The following ACER2 variants were observed in gnomAD, a reference collection of about 807,000 sequenced individuals.
ACER2 encodes the protein alkCDase 2.
In ACER2, 26 loss-of-function variants were observed where a neutral mutation model predicts 34.7. The ratio of observed to expected loss-of-function variants is 0.75; its 90% CI spans 0.55 to 1.04. The LOEUF (loss-of-function observed/expected upper bound fraction) is 1.04. Among genes scored for constraint, ACER2 ranks in the 50% least tolerant of loss-of-function variants. ACER2 has a pLI of 0.00. For synonymous variants in ACER2, 138 were observed against 132.1 expected (o/e 1.04, Z -0.31); for missense variants, 352 against 340.8 (o/e 1.03, Z -0.26).
chr9:19,451,191 G>A lies in ACER2; in HGVS notation c.*555G>A, dbSNP rs1385407110. 2 of 152,258 alleles carry A rather than the reference G, an allele frequency of 1.3e-5. No homozygotes were observed. Among genetic ancestry groups the A allele is most frequent in the African/African-American group, 4.8e-5 (2 of 41,430 alleles). 9.4% of individuals were successfully genotyped at this position (152,258 alleles called of 1,614,324 possible). ...AGCCCTGTACAATGCATCTCTTCCT[G>A]GAGAAAGCTGGCCTGCTCCAGACCC... On this transcript the variant is annotated 3_prime_UTR_variant, in exon 6 of 6. Coordinates refer to ENST00000340967, the MANE Select transcript of ACER2 (RefSeq NM_001010887.3).
At chr9:19,412,903 TTCTC>T (rs1056613245) in intron 1 of ACER2, among the ~76,000 whole-genome samples, 67 of 152,312 alleles carry the variant, frequency 4.4e-4, no homozygotes, top group Non-Finnish European at 1.3e-4. Flanking sequence ...TTCATATAGT[TTCTC>T]TCTGTTTTAT....
chr9:19,429,544 C>T (rs1342641155), intron 3 of ACER2, among the ~76,000 whole-genome samples: 1 of 152,126 alleles, frequency 6.6e-6, no homozygotes, highest in African/African-American at 2.4e-5. Flanking sequence ...GTTGCCCAGG[C>T]TGGTCTCAAA....
intron 4 of ACER2, among the ~76,000 whole-genome samples, chr9:19,442,773 G>A (rs1831198392): frequency 6.6e-6 from 1 of 151,946 alleles, no homozygotes; most frequent in Non-Finnish European, 1.5e-5. Flanking sequence ...TTAAATTCAA[G>A]GCAAGAGGCC....
chr9:19,444,631 C>G (rs1351474643), intron 4 of ACER2, among the ~76,000 whole-genome samples: 2 of 152,166 alleles, frequency 1.3e-5, no homozygotes, highest in African/African-American at 4.8e-5. Context: ...GAGGGGAGAC[C>G]TATAGTATCT....
At chr9:19,436,083 C>CT (rs78161264) in intron 4 of ACER2, among the ~76,000 whole-genome samples, 1,709 of 143,570 alleles carry the variant, frequency 0.012, 5 homozygotes, top group South Asian at 0.015. Flanking sequence ...GAAAGCCCTT[C>CT]TTTTTTTTTT....
At chr9:19,418,008 A>G (rs1830286759) in intron 1 of ACER2, among the ~76,000 whole-genome samples, 1 of 152,262 alleles carries the variant, frequency 6.6e-6, no homozygotes, top group Admixed American at 6.5e-5. Flanking sequence ...TTACAAGAAA[A>G]AAAACAACCC....
In ACER2 at chr9:19,452,021, GC is replaced by G. The variant is rs1224246648; in HGVS notation, c.*1387del. 1 of 152,614 alleles carries G rather than the reference GC, an allele frequency of 6.6e-6. No individual in the cohort carries two copies. Among genetic ancestry groups the G allele is most frequent in the African/African-American group, 2.4e-5 (1 of 41,446 alleles). 9.5% of individuals were successfully genotyped at this position (152,614 alleles called of 1,614,324 possible). ...GCTGGTGCAGCAGCGCAAATCTGTT[GC>G]CTTCTGAATTTTTCTCACCTAATGT... On this transcript the variant is annotated 3_prime_UTR_variant, in exon 6 of 6. Transcript: ENST00000340967.
intron 1 of ACER2, among the ~76,000 whole-genome samples, chr9:19,423,035 A>G (rs1473662877): frequency 6.8e-6 from 1 of 146,086 alleles, no homozygotes; most frequent in Non-Finnish European, 1.5e-5. Flanking sequence ...TCTGTCTCAA[A>G]AAAAAAAAAA....
At chr9:19,444,460 C>T (rs1030233066) in intron 4 of ACER2, among the ~76,000 whole-genome samples, 3 of 152,194 alleles carry the variant, frequency 2.0e-5, no homozygotes, top group Admixed American at 2.0e-4. Flanking sequence ...GTCCGCCCGC[C>T]TCGGCCTCCC....
At chr9:19,448,419 T>A (rs1831446576) in intron 5 of ACER2, among the ~76,000 whole-genome samples, 1 of 152,250 alleles carries the variant, frequency 6.6e-6, no homozygotes, top group Non-Finnish European at 1.5e-5. Flanking sequence ...TTTTTGTGTC[T>A]AATAAATGCT....
At chr9:19,414,229 A>G (rs1563871351) in intron 1 of ACER2, among the ~76,000 whole-genome samples, 1 of 152,232 alleles carries the variant, frequency 6.6e-6, no homozygotes, top group African/African-American at 2.4e-5. Flanking sequence ...AAGTAAAACA[A>G]TGGAATGGGT....
rs376233861 is a variant in ACER2 at position 19,420,316 on chromosome 9, G to A, written c.109-3546G>A. ...CTATTTTTGAATGTGATTTTTGTTT[G>A]TGTTTAGTCCAGGACCCCTCCCACC... On this transcript the variant is annotated intron_variant, in intron 1 of 5. Coordinates refer to ENST00000340967, the MANE Select transcript of ACER2 (RefSeq NM_001010887.3). Among the ~76,000 whole-genome samples, 16 of 152,112 alleles carry A rather than the reference G, an allele frequency of 1.1e-4. No individual in the cohort carries two copies. The East Asian group carries it at 2.5e-3, about 24-fold the overall frequency.
At chr9:19,439,538 C>A (rs1451580650) in intron 4 of ACER2, among the ~76,000 whole-genome samples, 3 of 151,956 alleles carry the variant, frequency 2.0e-5, no homozygotes, top group East Asian at 3.9e-4. Context: ...AGAGACCCAG[C>A]CTAAAGGGGC....
rs1302025467 is a variant in ACER2, at chr9:19,409,052, C to A, written c.-33C>A. On this transcript the variant is annotated 5_prime_UTR_variant, in exon 1 of 6. Transcript: ENST00000340967. ...AGCAGCTCTGGGCTCTTCTCAGCTG[C>A]GCGAGCAGCTGCTCCAATGCCCCGG... 2 of 1,532,630 alleles carry A rather than the reference C, an allele frequency of 1.3e-6. No individual in the cohort carries two copies. Among genetic ancestry groups the A allele is most frequent in the Non-Finnish European group, 1.8e-6 (2 of 1,136,244 alleles). 94.9% of individuals were successfully genotyped at this position (1,532,630 alleles called of 1,614,324 possible).
intron 4 of ACER2, among the ~76,000 whole-genome samples, chr9:19,440,048 C>T (rs931665747): frequency 3.3e-5 from 5 of 152,034 alleles, no homozygotes; most frequent in Admixed American, 6.5e-5. Context: ...CTGGTTTCTG[C>T]CCCTACTTTG....
At chr9:19,444,516 T>A (rs2132528067) in intron 4 of ACER2, among the ~76,000 whole-genome samples, 1 of 152,192 alleles carries the variant, frequency 6.6e-6, no homozygotes. Flanking sequence ...CGGCATAAAA[T>A]CTCATAATGT....
intron 1 of ACER2, among the ~76,000 whole-genome samples, chr9:19,409,441 T>G (rs747208910): frequency 3.9e-5 from 6 of 152,188 alleles, no homozygotes; most frequent in Admixed American, 6.5e-5. Flanking sequence ...ATGGTCCTAT[T>G]GTCTTGTTTG....
chr9:19,441,702 C>T (rs1230873642), intron 4 of ACER2, among the ~76,000 whole-genome samples: 1 of 152,102 alleles, frequency 6.6e-6, no homozygotes, highest in South Asian at 2.1e-4. Context: ...TTGTCTGTCC[C>T]CTCTGCTGAA....
chr9:19,427,236 C>A (rs1360504826), intron 3 of ACER2, among the ~76,000 whole-genome samples: 2 of 152,212 alleles, frequency 1.3e-5, no homozygotes, highest in African/African-American at 4.8e-5. Flanking sequence ...AGTTAGCTCT[C>A]CTGACTGCCT....
Sources: allele counts gnomAD v4.1 joint callset (sites outside exome capture counted in the v4.1 genomes callset), GRCh38; gene constraint gnomAD v4.1.1; transcripts MANE v1.5; gene names NCBI Gene and HGNC (gene_info 2026-07-23, HGNC 2026-07-21).